PRKN: variants seen among roughly 807,000 people sequenced by gnomAD.
PRKN encodes parkin RBR E3 ubiquitin protein ligase.
In PRKN, 56 loss-of-function variants were observed where a neutral mutation model predicts 59.5. The ratio of observed to expected loss-of-function variants is 0.94; its 90% confidence interval spans 0.76 to 1.18. The LOEUF (loss-of-function observed/expected upper bound fraction) is 1.18, where lower values mean the gene tolerates loss of function less well. Among genes scored for constraint, PRKN ranks in the 50% most tolerant of loss-of-function variants. The probability of loss-of-function intolerance (pLI) is 0.00; values close to 1 mark genes in which losing one functional copy is unlikely to be tolerated. For synonymous variants in PRKN, 250 were observed against 222.1 expected, an observed-to-expected ratio of 1.13 and a Z score of -1.12; for missense variants, 657 against 596.4, an observed-to-expected ratio of 1.10 and a Z score of -1.06.
intron 7 of PRKN, among the ~76,000 whole-genome samples, chr6:161,597,602 A>AC (rs1014107174): frequency 6.7e-4 from 100 of 149,484 alleles, no homozygotes; most frequent in African/African-American, 2.4e-3. Flanking sequence ...GCTGCCCTCC[A>AC]CCCCCGACTC....
intron 1 of PRKN, among the ~76,000 whole-genome samples, chr6:162,512,841 T>C (rs753083089): frequency 2.0e-5 from 3 of 152,182 alleles, no homozygotes; most frequent in Non-Finnish European, 4.4e-5. Flanking sequence ...TTATTTTTCC[T>C]GAAAAATGAG....
chr6:162,143,100 C>G (rs968236330), intron 4 of PRKN, among the ~76,000 whole-genome samples: 1 of 152,156 alleles, frequency 6.6e-6, no homozygotes, highest in African/African-American at 2.4e-5. Flanking sequence ...TTGGCAGAGG[C>G]CACTAGCTAG....
chr6:161,750,118 T>TATATATATATATACACACACAC (rs1269147499), intron 7 of PRKN, among the ~76,000 whole-genome samples: 1 of 137,742 alleles, frequency 7.3e-6, no homozygotes, highest in African/African-American at 2.7e-5. Flanking sequence ...TATATATATA[T>TATATATATATATACACACACAC]ACACACACAC....
intron 6 of PRKN, among the ~76,000 whole-genome samples, chr6:161,962,145 AG>A (rs1446181130): frequency 2.0e-5 from 3 of 152,230 alleles, no homozygotes; most frequent in Non-Finnish European, 4.4e-5. Context: ...AAAGCTACAA[AG>A]GACAACTTTG....
At chr6:161,983,953 T>G (rs926126943) in intron 5 of PRKN, among the ~76,000 whole-genome samples, 1 of 152,010 alleles carries the variant, frequency 6.6e-6, no homozygotes, top group Non-Finnish European at 1.5e-5. Context: ...TTACTGACCC[T>G]TATAAAATGC....
intron 8 of PRKN, among the ~76,000 whole-genome samples, chr6:161,559,648 C>T (rs1284442007): frequency 5.9e-5 from 9 of 152,010 alleles, no homozygotes; most frequent in Non-Finnish European, 1.5e-5. Context: ...CTTCTTTCTG[C>T]TTATTCTCTA....
chr6:162,130,314 G>T (rs1227786369), intron 4 of PRKN, among the ~76,000 whole-genome samples: 1 of 152,008 alleles, frequency 6.6e-6, no homozygotes, highest in African/African-American at 2.4e-5. Context: ...CACAACAGAA[G>T]GTTTCTATTT....
chr6:162,467,825 C>T (rs916445873), intron 1 of PRKN, among the ~76,000 whole-genome samples: 9 of 152,116 alleles, frequency 5.9e-5, no homozygotes, highest in East Asian at 3.9e-4. Context: ...CCCGCTACGC[C>T]GCCCACCGAG....
At chr6:161,535,363 A>T (rs960458184) in intron 9 of PRKN, among the ~76,000 whole-genome samples, 1 of 152,168 alleles carries the variant, frequency 6.6e-6, no homozygotes, top group African/African-American at 2.4e-5. Flanking sequence ...GTTAGAAATA[A>T]AAAAGAAGTA....
chr6:161,465,021 G>A (rs560364500), intron 9 of PRKN, among the ~76,000 whole-genome samples: 2 of 152,334 alleles, frequency 1.3e-5, no homozygotes, highest in Admixed American at 1.3e-4. Context: ...GATAGGCTGC[G>A]ATCCTCTCCA....
Position 161,378,516 on chromosome 6 carries a change from T to C in PRKN, c.1167+8278A>G, listed in dbSNP as rs1007985171. ...CACCAGGGAAGATGAAGACACTCCA[T>C]CTTGACAGGAAGTGACTCCTTTTCT... On this transcript the variant is annotated intron_variant, in intron 10 of 11. Transcript: ENST00000366898. The surrounding 1 kb of genome is among the most constrained non-coding windows in gnomAD (Gnocchi z 7.3). Among the ~76,000 whole-genome samples the C allele has an allele frequency of 2.0e-5, 3 of 152,140 alleles. No homozygotes were observed. The highest frequency in any genetic ancestry group is 4.4e-5 in the Non-Finnish European group (3 of 68,010).
At chr6:162,263,382 T>G (rs895214697) in intron 2 of PRKN, 3 of 177,772 alleles carry the variant, frequency 1.7e-5, no homozygotes, top group African/African-American at 7.2e-5. Flanking sequence ...TGAATGCGTT[T>G]GAGTAGGCTC....
chr6:162,368,283 T>C (rs17437766), intron 2 of PRKN, among the ~76,000 whole-genome samples: 32,468 of 151,906 alleles, frequency 0.21, 3,658 homozygotes, highest in Middle Eastern at 0.27. Flanking sequence ...TTCTTATGAC[T>C]CTAAAATGTA....
chr6:161,535,756 C>G (rs577808086), intron 9 of PRKN, among the ~76,000 whole-genome samples: 1 of 152,094 alleles, frequency 6.6e-6, no homozygotes, highest in Non-Finnish European at 1.5e-5. Flanking sequence ...GGCTGAGCCA[C>G]CTTGCACCAT....
intron 8 of PRKN, among the ~76,000 whole-genome samples, chr6:161,564,698 C>G (rs566897136): frequency 6.6e-6 from 1 of 152,158 alleles, no homozygotes; most frequent in African/African-American, 2.4e-5. Flanking sequence ...TGCACTATTT[C>G]CCCTTCTGCT....
At chr6:162,410,108 T>C (rs1788276434) in intron 2 of PRKN, among the ~76,000 whole-genome samples, 1 of 152,208 alleles carries the variant, frequency 6.6e-6, no homozygotes, top group Non-Finnish European at 1.5e-5. Flanking sequence ...TTCTCTAACA[T>C]TTCTCTGTAG....
chr6:161,819,999 A>G (rs1436646600), intron 6 of PRKN, among the ~76,000 whole-genome samples: 1 of 152,186 alleles, frequency 6.6e-6, no homozygotes, highest in East Asian at 1.9e-4. Flanking sequence ...TATCCTCAGT[A>G]TATAAAGAGC....
intron 6 of PRKN, among the ~76,000 whole-genome samples, chr6:161,788,750 TTG>T (rs979756456): frequency 8.5e-5 from 13 of 152,318 alleles, no homozygotes; most frequent in African/African-American, 3.1e-4. Flanking sequence ...AGCTGGAATG[TTG>T]TGTGTGTTTC....
At chr6:162,135,912 T>G (rs556294023) in intron 4 of PRKN, among the ~76,000 whole-genome samples, 1 of 152,182 alleles carries the variant, frequency 6.6e-6, no homozygotes, top group African/African-American at 2.4e-5. Context: ...ATTTACATTC[T>G]ACAAAAGCGC....
Sources: gnomAD v4.1 joint callset for allele counts (sites outside exome capture counted in the v4.1 genomes callset) on GRCh38, gnomAD v4.1.1 for gene constraint, Gnocchi (gnomAD v3.1) non-coding constraint, MANE v1.5 for transcripts, NCBI Gene and HGNC (gene_info 2026-07-23, HGNC 2026-07-21) for gene names.